Variants in NKAIN2 observed in about 807,000 individuals in gnomAD.
NKAIN2 encodes the protein sodium/potassium transporting ATPase interacting 2.
Under a neutral mutation model 32.6 loss-of-function variants are expected in NKAIN2, and 14 were observed. The ratio of observed to expected loss-of-function variants is 0.43; its 90% CI spans 0.28 to 0.67. The LOEUF is 0.67. Among genes scored for constraint, NKAIN2 ranks in the 30% least tolerant of loss-of-function variants. The probability of loss-of-function intolerance (pLI) is 0.17; values close to 1 mark genes in which losing one functional copy is unlikely to be tolerated. For synonymous variants in NKAIN2, 80 were observed against 87.2 expected (o/e 0.92, Z 0.46); for missense variants, 198 against 258.3 (o/e 0.77, Z 1.60).
At chr6:124,521,753 C>CG (rs1262988387) in intron 3 of NKAIN2, among the ~76,000 whole-genome samples, 2 of 152,130 alleles carry the variant, frequency 1.3e-5, no homozygotes, top group Non-Finnish European at 2.9e-5. Context: ...GGCATGTGCT[C>CG]TATTACTCCC....
intron 1 of NKAIN2, among the ~76,000 whole-genome samples, chr6:124,062,418 TTTGTTGTTGTTA>T (rs1487675541): frequency 1.3e-5 from 2 of 152,082 alleles, no homozygotes; most frequent in East Asian, 1.9e-4. Context: ...GATTTCAGTT[TTTGTTGTTGTTA>T]TTGTTGTTGT....
At chr6:124,278,161 G>A (rs1219769792) in intron 1 of NKAIN2, among the ~76,000 whole-genome samples, 1 of 152,106 alleles carries the variant, frequency 6.6e-6, no homozygotes, top group African/African-American at 2.4e-5. Context: ...TCAAGTGCAT[G>A]TAATTTTCTT....
intron 1 of NKAIN2, among the ~76,000 whole-genome samples, chr6:123,849,052 C>T (rs1447841103): frequency 6.6e-6 from 1 of 152,190 alleles, no homozygotes; most frequent in Non-Finnish European, 1.5e-5. Flanking sequence ...TCTTGACACT[C>T]AAAGCCTTTG....
At chr6:124,385,387 C>A (rs902234853) in intron 3 of NKAIN2, among the ~76,000 whole-genome samples, 2 of 151,974 alleles carry the variant, frequency 1.3e-5, no homozygotes, top group African/African-American at 2.4e-5. Flanking sequence ...CTTCTCCCCT[C>A]TAATGTCATT....
In NKAIN2 at chr6:124,436,538, G is replaced by A. The variant is rs62436342; in HGVS notation, c.273+81191G>A. 4.6e-5 allele frequency among the ~76,000 whole-genome samples: 7 copies of A among 152,234 alleles called. 1 individual carries two copies. Among genetic ancestry groups the A allele is most frequent in the Middle Eastern group, 3.4e-3 (1 of 294 alleles). ...ATGAATGCTTTGAGAACATAGAAAC[G>A]TATTTGAATAGAACTTTTAATCCCA... On this transcript the variant is annotated intron_variant, in intron 3 of 6. Transcript: ENST00000368417.
intron 1 of NKAIN2, among the ~76,000 whole-genome samples, chr6:124,195,320 T>G (rs1388700562): frequency 1.7e-5 from 1 of 60,164 alleles, no homozygotes. Context: ...TTTGTCAGGT[T>G]TAAAATTATT....
intron 2 of NKAIN2, among the ~76,000 whole-genome samples, chr6:124,300,184 C>A (rs952846929): frequency 6.6e-6 from 1 of 152,012 alleles, no homozygotes; most frequent in Non-Finnish European, 1.5e-5. Flanking sequence ...AGTGGGGGGG[C>A]CAGGTGGAGA....
intron 1 of NKAIN2, among the ~76,000 whole-genome samples, chr6:123,827,156 T>C (rs1418455627): frequency 6.6e-6 from 1 of 152,196 alleles, no homozygotes; most frequent in Non-Finnish European, 1.5e-5. Context: ...GAGAAATGTC[T>C]ATTCAAGTCC....
At chr6:124,745,487 C>T (rs1476557258) in intron 4 of NKAIN2, among the ~76,000 whole-genome samples, 2 of 151,826 alleles carry the variant, frequency 1.3e-5, no homozygotes, top group Admixed American at 6.6e-5. Context: ...CCTTATAGTT[C>T]AACATATGAA....
chr6:124,357,545 A>T (rs1799044474), intron 3 of NKAIN2, among the ~76,000 whole-genome samples: 1 of 152,180 alleles, frequency 6.6e-6, no homozygotes, highest in Non-Finnish European at 1.5e-5. Context: ...AAGCAATTTG[A>T]ATGTGTCTAC....
chr6:124,379,078 C>T (rs1039069235), intron 3 of NKAIN2, among the ~76,000 whole-genome samples: 11 of 139,644 alleles, frequency 7.9e-5, no homozygotes, highest in South Asian at 7.5e-4. Flanking sequence ...GACAACAGAG[C>T]GAAACCTTGT....
intron 1 of NKAIN2, among the ~76,000 whole-genome samples, chr6:123,974,335 A>T (rs1778460923): frequency 9.7e-6 from 1 of 103,106 alleles, no homozygotes; most frequent in East Asian, 5.3e-4. Context: ...TGAAGTTAGG[A>T]TAGCAGCAGG....
intron 5 of NKAIN2, among the ~76,000 whole-genome samples, chr6:124,815,760 T>A (rs1781136210): frequency 6.6e-6 from 1 of 152,152 alleles, no homozygotes; most frequent in Non-Finnish European, 1.5e-5. Flanking sequence ...TTGTCCCAAA[T>A]TAAGAATTTT....
intron 3 of NKAIN2, among the ~76,000 whole-genome samples, chr6:124,548,489 A>G (rs1378595858): frequency 1.3e-5 from 2 of 152,220 alleles, no homozygotes; most frequent in African/African-American, 2.4e-5. Context: ...TGATATAGCC[A>G]GAAAACCCAG....
At chr6:124,620,575 C>A (rs115786964) in intron 3 of NKAIN2, among the ~76,000 whole-genome samples, 1 of 152,062 alleles carries the variant, frequency 6.6e-6, no homozygotes, top group African/African-American at 2.4e-5. Context: ...AGTATGAGAC[C>A]CAATAAATCC....
intron 3 of NKAIN2, among the ~76,000 whole-genome samples, chr6:124,610,221 A>C (rs183034351): frequency 2.0e-5 from 3 of 152,312 alleles, no homozygotes; most frequent in Non-Finnish European, 4.4e-5. Context: ...TTACATATAC[A>C]TCTAAGCTGT....
rs151275655 is a variant in NKAIN2, at chr6:123,858,545, T to G, written c.54+54291T>G. Among the ~76,000 whole-genome samples, 706 of 152,346 alleles carry G rather than the reference T, an allele frequency of 4.6e-3. 4 individuals are homozygous for G. The highest frequency in any genetic ancestry group is 0.014 in the Admixed American group (221 of 15,302). On this transcript the variant is annotated intron_variant, in intron 1 of 6. Transcript: ENST00000368417. Reference sequence around the variant, plus strand: ...TAAGGGACAGGATAACATGGAGTTATAGAGGAATACAGGATAGAGGTCATT... The same window carrying G: ...TAAGGGACAGGATAACATGGAGTTAGAGAGGAATACAGGATAGAGGTCATT...
intron 3 of NKAIN2, among the ~76,000 whole-genome samples, chr6:124,473,006 G>C (rs1210540689): frequency 6.6e-6 from 1 of 152,120 alleles, no homozygotes; most frequent in Non-Finnish European, 1.5e-5. Context: ...ACTCACCAGT[G>C]ATTATACATC....
intron 3 of NKAIN2, among the ~76,000 whole-genome samples, chr6:124,601,121 A>T (rs1782289452): frequency 6.6e-6 from 1 of 152,068 alleles, no homozygotes; most frequent in Non-Finnish European, 1.5e-5. Flanking sequence ...AGTTGCTCTG[A>T]TCAAGCTCTA....
Sources: gnomAD v4.1 joint callset for allele counts (sites outside exome capture counted in the v4.1 genomes callset) on GRCh38, gnomAD v4.1.1 for gene constraint, MANE v1.5 for transcripts, NCBI Gene and HGNC (gene_info 2026-07-23, HGNC 2026-07-21) for gene names.